Variants in DOCK1 observed in about 807,000 individuals in gnomAD.
DOCK1 encodes dedicator of cytokinesis 1.
Under a neutral mutation model 262.7 loss-of-function variants are expected in DOCK1, and 138 were observed. The observed-to-expected ratio is 0.53, with a 90% confidence interval of 0.46 to 0.61. The LOEUF (loss-of-function observed/expected upper bound fraction) is 0.61. Ranked by LOEUF, DOCK1 falls within the 20% of genes least tolerant of loss-of-function variation. The pLI, the probability that DOCK1 is intolerant of heterozygous loss-of-function variation, is 0.00. For missense variants in DOCK1, 1,908 were observed against 2,370.7 expected (o/e 0.80, Z 4.05); for synonymous variants, 866 against 867.4 (o/e 1.00, Z 0.03).
intron 1 of DOCK1, among the ~76,000 whole-genome samples, chr10:126,949,022 C>G (rs898893504): frequency 3.9e-5 from 6 of 152,140 alleles, no homozygotes; most frequent in Non-Finnish European, 8.8e-5. Flanking sequence ...GAGCTTTCGT[C>G]TTTGCTTTGG....
intron 27 of DOCK1, among the ~76,000 whole-genome samples, chr10:127,211,105 C>A (rs1195509013): frequency 6.6e-6 from 1 of 152,186 alleles, no homozygotes; most frequent in African/African-American, 2.4e-5. Context: ...ATGTCTAGAA[C>A]TTACTCATCT....
chr10:126,919,003 C>G (rs371168485), intron 1 of DOCK1, among the ~76,000 whole-genome samples: 2 of 108,792 alleles, frequency 1.8e-5, no homozygotes, highest in Admixed American at 9.8e-5. Context: ...GGGGGCCCTT[C>G]GGCCAAGCTT....
chr10:127,390,919 G>T (rs1398710067), intron 38 of DOCK1, among the ~76,000 whole-genome samples: 2 of 152,214 alleles, frequency 1.3e-5, no homozygotes, highest in African/African-American at 4.8e-5. Context: ...GGTGGTTCCT[G>T]TTGGACGGTG....
At chr10:127,205,532 CG>C (rs1170540716) in intron 27 of DOCK1, among the ~76,000 whole-genome samples, 1 of 152,158 alleles carries the variant, frequency 6.6e-6, no homozygotes, top group Non-Finnish European at 1.5e-5. Context: ...CTCTTGATGG[CG>C]TAAGTGGATG....
chr10:126,906,004 G>A (rs1429521970), intron 1 of DOCK1, among the ~76,000 whole-genome samples: 1 of 152,128 alleles, frequency 6.6e-6, no homozygotes, highest in Non-Finnish European at 1.5e-5. Context: ...CCCGCGTCCG[G>A]GCTCTGGGTG....
chr10:127,123,757 TACAC>T (rs2049765492), intron 25 of DOCK1, among the ~76,000 whole-genome samples: 1 of 152,198 alleles, frequency 6.6e-6, no homozygotes, highest in African/African-American at 2.4e-5. Context: ...GGCAGTCTCC[TACAC>T]GGGCAGCCCA....
chr10:127,025,213 C>T (rs9418708), intron 15 of DOCK1: 34,585 of 152,614 alleles, frequency 0.23, 3,872 homozygotes, highest in Middle Eastern at 0.28. Flanking sequence ...GAGTAAACAC[C>T]GTCTCACCGC....
intron 27 of DOCK1, among the ~76,000 whole-genome samples, chr10:127,211,711 T>G (rs1728972836): frequency 6.6e-6 from 1 of 152,152 alleles, no homozygotes; most frequent in African/African-American, 2.4e-5. Context: ...AAATAACGCA[T>G]GTACCTGGTG....
At chr10:127,275,373 G>A (rs1435505051) in intron 29 of DOCK1, among the ~76,000 whole-genome samples, 1 of 152,188 alleles carries the variant, frequency 6.6e-6, no homozygotes, top group Non-Finnish European at 1.5e-5. Context: ...ATGGACCAGA[G>A]CTGCCTCAGT....
intron 33 of DOCK1, among the ~76,000 whole-genome samples, chr10:127,366,112 T>C (rs886418869): frequency 5.9e-5 from 9 of 152,094 alleles, no homozygotes; most frequent in African/African-American, 2.2e-4. Flanking sequence ...ACTGTCAGGC[T>C]GAGCGTGGTC....
At chr10:127,135,317 C>T (rs1382929188) in intron 27 of DOCK1, 2 of 152,224 alleles carry the variant, frequency 1.3e-5, no homozygotes, top group Non-Finnish European at 2.9e-5. Flanking sequence ...CTTCTGCAGA[C>T]CGGATGAAAT....
At chr10:127,102,407 A>T (rs531830551) in intron 23 of DOCK1, among the ~76,000 whole-genome samples, 3 of 152,366 alleles carry the variant, frequency 2.0e-5, no homozygotes, top group Admixed American at 2.0e-4. Flanking sequence ...ATGAGGCAAC[A>T]TGAACTCACT....
chr10:127,257,580 A>T, intron 29 of DOCK1, 151 bp downstream of exon 29: 2 of 583,008 alleles, frequency 3.4e-6, no homozygotes, highest in Non-Finnish European at 5.8e-6. Context: ...TTCTAGGGAG[A>T]CAGGGACTCT....
At chr10:127,297,331 G>T (rs1379479682) in intron 29 of DOCK1, among the ~76,000 whole-genome samples, 1 of 152,148 alleles carries the variant, frequency 6.6e-6, no homozygotes. Flanking sequence ...AGCGGTATCT[G>T]CAGGAATGGA....
At chr10:127,445,408 C>A (rs1372154165) in intron 50 of DOCK1, among the ~76,000 whole-genome samples, 1 of 152,160 alleles carries the variant, frequency 6.6e-6, no homozygotes, top group Non-Finnish European at 1.5e-5. Context: ...GGTGGGGAGG[C>A]TGGCTGCAGG....
intron 43 of DOCK1, among the ~76,000 whole-genome samples, chr10:127,413,508 C>T (rs2067980198): frequency 6.6e-6 from 1 of 152,226 alleles, no homozygotes; most frequent in African/African-American, 2.4e-5. Context: ...GGAAGCTGCC[C>T]ACCAGGCCGA....
chr10:126,939,001 CGAACACCGGAGGGGAT>C lies in DOCK1; in HGVS notation c.47-31693_47-31678del, dbSNP rs2034774853. On this transcript the variant is annotated intron_variant, in intron 1 of 51. Transcript: ENST00000623213. ...CGGGGGGGATGAGCACCGGAGGGGA[CGAACACCGGAGGGGAT>C]GAACACCTGAAGGGATGAACACGGT... is the stretch of plus-strand genomic sequence containing the variant. Among the ~76,000 whole-genome samples the C allele has an allele frequency of 5.9e-5, 6 of 101,098 alleles. No individual in the cohort carries two copies. In the South Asian group the frequency reaches 1.8e-3, roughly 30 times the overall value. 66.3% of individuals were successfully genotyped at this position (101,098 alleles called of 152,430 possible). A position where few individuals can be genotyped will look rare whatever the true frequency, so the allele number is the denominator to read the frequency against.
chr10:127,293,116 G>A (rs1010049250), intron 29 of DOCK1, among the ~76,000 whole-genome samples: 3 of 152,164 alleles, frequency 2.0e-5, no homozygotes, highest in Non-Finnish European at 2.9e-5. Flanking sequence ...GTAGGGTGCC[G>A]TGGAGGACTC....
chr10:127,092,064 C>A (rs2047567070), intron 23 of DOCK1, among the ~76,000 whole-genome samples: 1 of 152,182 alleles, frequency 6.6e-6, no homozygotes, highest in Non-Finnish European at 1.5e-5. Context: ...TTCTCAGTCA[C>A]CCTACCTGTA....
Sources: allele counts gnomAD v4.1 joint callset (sites outside exome capture counted in the v4.1 genomes callset), GRCh38; gene constraint gnomAD v4.1.1; transcripts MANE v1.5; gene names NCBI Gene and HGNC (gene_info 2026-07-23, HGNC 2026-07-21).